The following JDP2 variants were observed in gnomAD, a reference collection of about 807,000 sequenced individuals.
JDP2 encodes the protein Jun dimerization protein 2.
Under a neutral mutation model 17.1 loss-of-function variants are expected in JDP2, and 9 were observed. The ratio of observed to expected loss-of-function variants is 0.53; its 90% CI spans 0.32 to 0.92. The LOEUF is 0.92. JDP2 is among the 40% of genes least tolerant of loss of function. The probability of loss-of-function intolerance (pLI) is 0.04; values close to 1 mark genes in which losing one functional copy is unlikely to be tolerated. For missense variants in JDP2, 179 were observed against 220.0 expected (o/e 0.81, Z 1.18); for synonymous variants, 107 against 95.6 (o/e 1.12, Z -0.69).
At chr14:75,438,188 T>G in intron 2 of JDP2, 67 bp downstream of exon 2, 1 of 1,277,922 alleles carries the variant, frequency 7.8e-7, no homozygotes, top group Non-Finnish European at 1.1e-6. Context: ...GACCTTAACC[T>G]TGCTGTTCAA....
rs377185809 is a variant in JDP2 at position 75,460,685 on chromosome 14, T to A, written c.202-741T>A. On this transcript the variant is annotated intron_variant, in intron 2 of 3. Transcript: ENST00000651602. ...GGCTCCTGGCCTCCTGAACTCCTCA[T>A]CTGGCTTTAATCCTTTTCTCTGCTT... Among the ~76,000 whole-genome samples, 22 of 152,354 alleles carry A rather than the reference T, an allele frequency of 1.4e-4. No individual in the cohort carries two copies. The East Asian group carries it at 2.1e-3, about 15-fold the overall frequency.
rs11409834 is a variant in JDP2 at position 75,443,909 on chromosome 14, A to ATTT, written c.201+5797_201+5799dup. Among the ~76,000 whole-genome samples the ATTT allele has an allele frequency of 3.3e-4, 49 of 150,002 alleles. No individual in the cohort carries two copies. In the East Asian group the frequency reaches 8.8e-3, roughly 27 times the overall value. On this transcript the variant is annotated intron_variant, in intron 2 of 3. Coordinates refer to ENST00000651602, the MANE Select transcript of JDP2 (RefSeq NM_001135048.2). ...TACCTACCTCTTAGTGTTGTTATGA[A>ATTT]TTTTTTTTTTTGAGACAGATTCTCA...
chr14:75,453,001 T>C (rs1242207125), intron 2 of JDP2, among the ~76,000 whole-genome samples: 1 of 152,114 alleles, frequency 6.6e-6, no homozygotes, highest in African/African-American at 2.4e-5. Flanking sequence ...CCATGGGGGA[T>C]GCTGGGAGGG....
intron 2 of JDP2, among the ~76,000 whole-genome samples, chr14:75,452,918 G>C (rs888660780): frequency 1.3e-5 from 2 of 152,234 alleles, no homozygotes. Flanking sequence ...CCAGACCTTG[G>C]CCACTGAGTA....
chr14:75,462,800 C>T (rs779749151), intron 3 of JDP2, among the ~76,000 whole-genome samples: 7 of 152,128 alleles, frequency 4.6e-5, no homozygotes, highest in Non-Finnish European at 1.0e-4. Flanking sequence ...ATTCTGTGGT[C>T]ATGGGTGTAG....
chr14:75,459,548 C>T (rs1203212802), intron 2 of JDP2, among the ~76,000 whole-genome samples: 1 of 152,202 alleles, frequency 6.6e-6, no homozygotes, highest in African/African-American at 2.4e-5. Flanking sequence ...CGGGCCCAGG[C>T]GCTCTGTCCT....
chr14:75,442,206 TTTTC>T (rs1394282206), intron 2 of JDP2, among the ~76,000 whole-genome samples: 1 of 152,076 alleles, frequency 6.6e-6, no homozygotes, highest in African/African-American at 2.4e-5. Flanking sequence ...CACAGTGTGG[TTTTC>T]TTTTTCTTTT....
At chr14:75,456,034 C>A (rs943646541) in intron 2 of JDP2, among the ~76,000 whole-genome samples, 16 of 152,190 alleles carry the variant, frequency 1.1e-4, no homozygotes, top group African/African-American at 3.9e-4. Context: ...CCTCCATTAG[C>A]CCCTGGCATC....
rs183410337 is a variant in JDP2, at chr14:75,455,384, C to T, written c.202-6042C>T. On this transcript the variant is annotated intron_variant, in intron 2 of 3. Transcript: ENST00000651602. Reference sequence around the variant, plus strand: ...CTGCAGGCCGTGACTGGGTCCAGGACTGGGGGTGGACTTATGTAAATCACA... The same window carrying T: ...CTGCAGGCCGTGACTGGGTCCAGGATTGGGGGTGGACTTATGTAAATCACA... 4.0e-3 allele frequency among the ~76,000 whole-genome samples: 609 copies of T among 152,284 alleles called. 2 individuals are homozygous for T. The highest frequency in any genetic ancestry group is 6.9e-3 in the Admixed American group (106 of 15,302).
chr14:75,455,840 C>T (rs1206397865), intron 2 of JDP2, among the ~76,000 whole-genome samples: 1 of 152,198 alleles, frequency 6.6e-6, no homozygotes, highest in Admixed American at 6.5e-5. Context: ...AAATAAACCC[C>T]TGTTTCCTGC....
chr14:75,449,465 C>A (rs1479331409), intron 2 of JDP2, among the ~76,000 whole-genome samples: 1 of 152,216 alleles, frequency 6.6e-6, no homozygotes, highest in Non-Finnish European at 1.5e-5. Flanking sequence ...GAGTCAGTTT[C>A]AGCTGTATTA....
chr14:75,450,471 T>TCCCG (rs1885797185), intron 2 of JDP2, among the ~76,000 whole-genome samples: 6 of 152,334 alleles, frequency 3.9e-5, no homozygotes, highest in Admixed American at 3.3e-4. Flanking sequence ...GGGCAATGGC[T>TCCCG]TATCCACCCG....
At chr14:75,457,300 G>A (rs974513945) in intron 2 of JDP2, among the ~76,000 whole-genome samples, 2 of 152,252 alleles carry the variant, frequency 1.3e-5, no homozygotes, top group African/African-American at 4.8e-5. Flanking sequence ...CCAGGAAGGA[G>A]GAGGCAGCAG....
chr14:75,441,837 A>G (rs1885367492), intron 2 of JDP2, among the ~76,000 whole-genome samples: 1 of 151,974 alleles, frequency 6.6e-6, no homozygotes. Context: ...ACCAGTCCCT[A>G]TTGGCCTGAA....
At chr14:75,432,111 C>A (rs1884829627) in intron 1 of JDP2, 1 of 586,848 alleles carries the variant, frequency 1.7e-6, no homozygotes. Context: ...TTCCTCTTGG[C>A]CTGCAGAGCT....
At chr14:75,456,213 A>T (rs1046589300) in intron 2 of JDP2, among the ~76,000 whole-genome samples, 2 of 152,180 alleles carry the variant, frequency 1.3e-5, no homozygotes, top group African/African-American at 2.4e-5. Context: ...GAGGACCAAG[A>T]CAGCGTCTTT....
At chr14:75,433,195 CAAAAAAAAAAAAAA>C (rs780191475) in intron 1 of JDP2, among the ~76,000 whole-genome samples, 256 of 19,396 alleles carry the variant, frequency 0.013, 6 homozygotes, top group African/African-American at 0.039. Flanking sequence ...AACTCCGTCT[CAAAAAAAAAAAAAA>C]AAAAAAAAAA....
At chr14:75,431,202 G>T (rs945907291) in intron 1 of JDP2, among the ~76,000 whole-genome samples, 1 of 152,236 alleles carries the variant, frequency 6.6e-6, no homozygotes, top group African/African-American at 2.4e-5. Context: ...TCCTCTTGCT[G>T]CCTGGGTTAA....
At position 75,443,011 on chromosome 14, in the gene JDP2, T is replaced by C. The variant is rs117296000; in HGVS notation, c.201+4890T>C. Among the ~76,000 whole-genome samples the C allele has an allele frequency of 4.5e-3, 686 of 152,264 alleles. 6 individuals are homozygous for C. Among genetic ancestry groups the C allele is most frequent in the Non-Finnish European group, 6.4e-3 (434 of 68,010 alleles). On this transcript the variant is annotated intron_variant, in intron 2 of 3. Transcript: ENST00000651602. The stretch of plus-strand genomic sequence containing the variant: ...GGGGACCGGATCCGTGTCCTCATCA[T>C]TTTCAGAGCTGGAGAGGAGACTTAA...
Sources: allele counts gnomAD v4.1 joint callset (sites outside exome capture counted in the v4.1 genomes callset), GRCh38; gene constraint gnomAD v4.1.1; transcripts MANE v1.5; gene names NCBI Gene and HGNC (gene_info 2026-07-23, HGNC 2026-07-21).